The following CTNNA2 variants were observed in gnomAD, a reference collection of about 807,000 sequenced individuals.
The protein encoded by CTNNA2 is catenin alpha 2.
A neutral mutation model predicts 101.0 loss-of-function variants in CTNNA2; 42 were observed. The ratio of observed to expected loss-of-function variants is 0.42; its 90% confidence interval spans 0.32 to 0.54. The LOEUF (loss-of-function observed/expected upper bound fraction) is 0.54, where lower values mean the gene tolerates loss of function less well. CTNNA2 is among the 20% of genes least tolerant of loss of function. The probability of loss-of-function intolerance (pLI) is 0.14; values close to 1 mark genes in which losing one functional copy is unlikely to be tolerated. For missense variants in CTNNA2, 871 were observed against 1,223.1 expected (o/e 0.71, Z 4.29); for synonymous variants, 450 against 456.4 (o/e 0.99, Z 0.18).
At chr2:79,852,241 G>A (rs970077646) in intron 3 of CTNNA2, among the ~76,000 whole-genome samples, 2 of 152,158 alleles carry the variant, frequency 1.3e-5, no homozygotes, top group African/African-American at 4.8e-5. Context: ...CTAGCTCATC[G>A]GATGTTGTCC....
intron 4 of CTNNA2, among the ~76,000 whole-genome samples, chr2:79,419,200 T>A (rs1199323044): frequency 6.6e-6 from 1 of 152,132 alleles, no homozygotes; most frequent in Non-Finnish European, 1.5e-5. Flanking sequence ...GGCAATTTAT[T>A]TTATCCATCA....
chr2:79,836,096 G>A (rs913374219), intron 3 of CTNNA2, among the ~76,000 whole-genome samples: 3 of 152,120 alleles, frequency 2.0e-5, no homozygotes, highest in Non-Finnish European at 4.4e-5. Context: ...TTGTATGGAA[G>A]GGATGACTTT....
chr2:79,634,367 T>C (rs1558788476), intron 1 of CTNNA2, among the ~76,000 whole-genome samples: 1 of 152,176 alleles, frequency 6.6e-6, no homozygotes, highest in Non-Finnish European at 1.5e-5. Flanking sequence ...CTATTTATTG[T>C]AGTGACTTTT....
At chr2:80,390,514 A>T (rs1056700975) in intron 7 of CTNNA2, among the ~76,000 whole-genome samples, 1 of 152,218 alleles carries the variant, frequency 6.6e-6, no homozygotes. Flanking sequence ...TGGGGCAACC[A>T]AGCCTCCCAA....
At chr2:79,897,309 C>A (rs1684784700) in intron 6 of CTNNA2, among the ~76,000 whole-genome samples, 1 of 143,792 alleles carries the variant, frequency 7.0e-6, no homozygotes, top group African/African-American at 2.6e-5. Context: ...TAAGACTAGG[C>A]TGTTAGGAAA....
intron 13 of CTNNA2, among the ~76,000 whole-genome samples, chr2:80,580,149 A>G (rs770377961): frequency 2.0e-5 from 3 of 152,194 alleles, no homozygotes; most frequent in Non-Finnish European, 2.9e-5. Context: ...TGGAGAAAAT[A>G]ATGTCTACAT....
At chr2:79,303,472 A>C (rs1351169067) in intron 2 of CTNNA2, among the ~76,000 whole-genome samples, 1 of 152,128 alleles carries the variant, frequency 6.6e-6, no homozygotes, top group Admixed American at 6.6e-5. Context: ...ATGTATATTT[A>C]CAAGCGTGTC....
chr2:80,513,941 G>C (rs1296758589), intron 9 of CTNNA2, among the ~76,000 whole-genome samples: 1 of 152,074 alleles, frequency 6.6e-6, no homozygotes, highest in Admixed American at 6.6e-5. Context: ...ACCATACAAA[G>C]TCTTTTCCTT....
chr2:79,262,245 G>A (rs1020585978), intron 2 of CTNNA2, among the ~76,000 whole-genome samples: 4 of 152,048 alleles, frequency 2.6e-5, no homozygotes, highest in Admixed American at 2.6e-4. Flanking sequence ...ACCATGCAGG[G>A]GAAAGGCATG....
At chr2:79,931,141 A>G (rs956371079) in intron 7 of CTNNA2, among the ~76,000 whole-genome samples, 1 of 152,214 alleles carries the variant, frequency 6.6e-6, no homozygotes. Flanking sequence ...TGCAATATGC[A>G]TTAATATCCT....
At chr2:80,343,407 TAA>T (rs3040539) in intron 7 of CTNNA2, among the ~76,000 whole-genome samples, 46,531 of 117,320 alleles carry the variant, frequency 0.4, 9,596 homozygotes, top group African/African-American at 0.65. Flanking sequence ...TGACTTTTGA[TAA>T]AAAAAAAAAA....
chr2:80,036,731 C>T (rs1695677348), intron 7 of CTNNA2, among the ~76,000 whole-genome samples: 2 of 151,858 alleles, frequency 1.3e-5, no homozygotes, highest in South Asian at 4.2e-4. Flanking sequence ...GGTGGGGAAG[C>T]CAAGCACCTC....
In CTNNA2 at chr2:79,287,885, C is replaced by T. The variant is rs191133103; in HGVS notation, c.-405-24824C>T. ...TGCAGTTTGATCTCAGACTGCTGTGCTAGCAGTCAGTGAGACTCCACGGGC... is the reference window on the plus strand; with the variant it reads ...TGCAGTTTGATCTCAGACTGCTGTGTTAGCAGTCAGTGAGACTCCACGGGC... On this transcript the variant is annotated intron_variant, in intron 2 of 21. Transcript: ENST00000466387. Among the ~76,000 whole-genome samples, 441 of 152,340 alleles carry T rather than the reference C, an allele frequency of 2.9e-3. 2 individuals carry two copies. The highest frequency in any genetic ancestry group is 1.0e-2 in the African/African-American group (414 of 41,582).
At chr2:80,517,057 G>A (rs1164642381) in intron 9 of CTNNA2, among the ~76,000 whole-genome samples, 1 of 152,114 alleles carries the variant, frequency 6.6e-6, no homozygotes. Flanking sequence ...AAGAAGGAAG[G>A]CAACTTGGTG....
chr2:80,203,219 A>G (rs1031942340), intron 7 of CTNNA2, among the ~76,000 whole-genome samples: 10 of 152,200 alleles, frequency 6.6e-5, no homozygotes, highest in Non-Finnish European at 1.2e-4. Flanking sequence ...CTCAAATCTC[A>G]TATCTTCACA....
chr2:79,852,686 G>A (rs1025759614), intron 3 of CTNNA2, among the ~76,000 whole-genome samples: 1 of 152,194 alleles, frequency 6.6e-6, no homozygotes, highest in Non-Finnish European at 1.5e-5. Context: ...CCGCCTTCCG[G>A]GTTCAAGTGA....
chr2:80,090,144 CTCTGTGTG>C (rs1427261753), intron 7 of CTNNA2, among the ~76,000 whole-genome samples: 76 of 86,710 alleles, frequency 8.8e-4, no homozygotes, highest in African/African-American at 2.9e-3. Context: ...CTCTCTCTCT[CTCTGTGTG>C]TGTGTGTGTG....
intron 1 of CTNNA2, among the ~76,000 whole-genome samples, chr2:79,591,213 C>T (rs893048303): frequency 1.3e-5 from 2 of 152,064 alleles, no homozygotes; most frequent in Non-Finnish European, 2.9e-5. Context: ...ATTTTAATGA[C>T]TTCATATTGG....
At chr2:79,683,743 A>G (rs1339291976) in intron 2 of CTNNA2, among the ~76,000 whole-genome samples, 2 of 152,222 alleles carry the variant, frequency 1.3e-5, no homozygotes, top group South Asian at 2.1e-4. Flanking sequence ...AGTTCCCACA[A>G]GTTGCAGGAG....
Sources: allele counts gnomAD v4.1 joint callset (sites outside exome capture counted in the v4.1 genomes callset), GRCh38; gene constraint gnomAD v4.1.1; transcripts MANE v1.5; gene names NCBI Gene and HGNC (gene_info 2026-07-23, HGNC 2026-07-21).